Variants in R3HDM1 observed in about 807,000 individuals in gnomAD.
R3HDM1 encodes R3H domain containing 1.
Under a neutral mutation model 141.1 loss-of-function variants are expected in R3HDM1, and 46 were observed. The observed-to-expected ratio is 0.33, with a 90% confidence interval of 0.26 to 0.42. The LOEUF is 0.42. R3HDM1 is among the 10% of genes least tolerant of loss of function. The probability of loss-of-function intolerance (pLI) is 1.00; values close to 1 mark genes in which losing one functional copy is unlikely to be tolerated. For missense variants in R3HDM1, 1,184 were observed against 1,368.3 expected (o/e 0.87, Z 2.12); for synonymous variants, 435 against 472.9 (o/e 0.92, Z 1.04).
intron 3 of R3HDM1, among the ~76,000 whole-genome samples, chr2:135,613,805 G>C (rs906260115): frequency 6.6e-6 from 1 of 152,140 alleles, no homozygotes; most frequent in Non-Finnish European, 1.5e-5. Context: ...GACAGAGTGA[G>C]ACTCAGTCTC....
At chr2:135,655,398 A>G (rs2065710663) in intron 18 of R3HDM1, among the ~76,000 whole-genome samples, 1 of 152,044 alleles carries the variant, frequency 6.6e-6, no homozygotes, top group Admixed American at 6.6e-5. Flanking sequence ...TGCCAGTACT[A>G]CATTGTTTTG....
Position 135,631,958 on chromosome 2 carries a change from A to G in R3HDM1, c.655A>G (p.Ser219Gly). The G allele has an allele frequency of 6.2e-7, 1 of 1,612,092 alleles. No homozygotes were observed. The highest frequency in any genetic ancestry group is 8.5e-7 in the Non-Finnish European group (1 of 1,178,636). Residue 219 changes from serine to glycine, a missense_variant, in exon 9 of 27, where the codon AGT becomes GGT. Coordinates refer to ENST00000683871, the MANE Select transcript of R3HDM1 (RefSeq NM_001378107.1). Reference sequence around the variant, plus strand: ...TGGATTAGACCACAATGTTGATCAGAGTGGGAAGTCTGTCATAGTAAACAA... The same window carrying G: ...TGGATTAGACCACAATGTTGATCAGGGTGGGAAGTCTGTCATAGTAAACAA... ...YFGLDHNVDQ[S>G]GKSVIVNKTS...
rs1432998505 is a variant in R3HDM1, at chr2:135,631,861, G to A, written c.558G>A (p.Glu186=). The A allele has an allele frequency of 6.2e-7, 1 of 1,604,812 alleles. No homozygotes were observed. Among genetic ancestry groups the A allele is most frequent in the Non-Finnish European group, 8.5e-7 (1 of 1,176,186 alleles). ...QEILDFIGNN[E]SPRKKFPPMT... ...AAGTTGGTTTTTCTTGTGCTTCTAG[G>A]TCTCCACGTAAAAAATTCCCCCCAA... The change falls in exon 9 of 27, where the codon GAG becomes GAA. Residue 186 remains glutamate (E), a splice_region_variant and synonymous_variant. Coordinates refer to ENST00000683871, the MANE Select transcript of R3HDM1 (RefSeq NM_001378107.1).
At chr2:135,601,042 A>G (rs549152919) in intron 1 of R3HDM1, among the ~76,000 whole-genome samples, 2 of 152,340 alleles carry the variant, frequency 1.3e-5, no homozygotes, top group South Asian at 4.1e-4. Context: ...TAAGAGATTC[A>G]TGATAAAATT....
intron 1 of R3HDM1, among the ~76,000 whole-genome samples, chr2:135,588,127 C>G (rs1193748872): frequency 1.3e-5 from 2 of 151,962 alleles, no homozygotes; most frequent in East Asian, 1.9e-4. Context: ...GACTCTCTCT[C>G]CCTGTCTGTT....
chr2:135,722,054 C>A, intron 25 of R3HDM1, 48 bp downstream of exon 25: 1 of 1,556,952 alleles, frequency 6.4e-7, no homozygotes, highest in Admixed American at 1.7e-5. Context: ...AACATCATAG[C>A]TCCCTCAGAG....
At chr2:135,700,793 A>C (rs1575116945) in intron 21 of R3HDM1, among the ~76,000 whole-genome samples, 2 of 152,214 alleles carry the variant, frequency 1.3e-5, no homozygotes, top group East Asian at 3.8e-4. Flanking sequence ...GGAATTTCCC[A>C]TGCTATTAAT....
intron 5 of R3HDM1, chr2:135,620,602 CTGAT>C (rs2061433482): frequency 1.0e-6 from 1 of 981,652 alleles, no homozygotes. Context: ...GTCTACGTGT[CTGAT>C]TGATGGTTTT....
intron 1 of R3HDM1, chr2:135,596,852 G>T (rs1007791453): frequency 3.1e-5 from 6 of 191,424 alleles, no homozygotes; most frequent in African/African-American, 1.2e-4. Flanking sequence ...ATAAAACAGT[G>T]CAGTGAATAT....
intron 1 of R3HDM1, among the ~76,000 whole-genome samples, chr2:135,600,034 TAA>T (rs533671336): frequency 4.7e-5 from 6 of 127,028 alleles, no homozygotes; most frequent in South Asian, 2.6e-4. Context: ...ACCTTGTCTC[TAA>T]AAAAAAAAAA....
chr2:135,625,692 C>T (rs1039796328), intron 7 of R3HDM1, among the ~76,000 whole-genome samples: 2 of 151,994 alleles, frequency 1.3e-5, no homozygotes, highest in Non-Finnish European at 2.9e-5. Context: ...GCCCCTGCTC[C>T]CAATCTCCTG....
intron 1 of R3HDM1, among the ~76,000 whole-genome samples, chr2:135,542,295 C>T (rs1274936732): frequency 1.3e-5 from 2 of 152,188 alleles, no homozygotes; most frequent in African/African-American, 4.8e-5. Context: ...TGAATATCCT[C>T]TGCAAAATAA....
rs547450095 is a variant in R3HDM1 at position 135,661,958 on chromosome 2, T to G, written c.2152+565T>G. Reference sequence around the variant, plus strand: ...CTAAGGCCACTTAAATGAAATTTATTAAAACTCAGCATTGTTTTTGTTTTA... The same window carrying G: ...CTAAGGCCACTTAAATGAAATTTATGAAAACTCAGCATTGTTTTTGTTTTA... On this transcript the variant is annotated intron_variant, in intron 19 of 26. Transcript: ENST00000683871. 2.8e-4 allele frequency among the ~76,000 whole-genome samples: 42 copies of G among 152,360 alleles called. 1 individual carries two copies. Among genetic ancestry groups the G allele is most frequent in the African/African-American group, 9.4e-4 (39 of 41,588 alleles).
intron 6 of R3HDM1, chr2:135,622,452 A>T (rs1233726452): frequency 3.9e-5 from 38 of 983,766 alleles, no homozygotes; most frequent in Non-Finnish European, 4.5e-5. Context: ...ATATGCAGTT[A>T]TATAAACTCA....
chr2:135,558,953 T>G (rs1701267422), intron 1 of R3HDM1: 2 of 918,824 alleles, frequency 2.2e-6, no homozygotes, highest in African/African-American at 3.6e-5. Flanking sequence ...TTAAAAAGTT[T>G]AAAGGGTTAC....
chr2:135,580,046 C>T (rs568393907), intron 1 of R3HDM1, among the ~76,000 whole-genome samples: 110 of 152,100 alleles, frequency 7.2e-4, no homozygotes, highest in African/African-American at 2.5e-3. Flanking sequence ...ATCACTTGAG[C>T]CCAGGAGTTC....
At chr2:135,580,211 A>G (rs1057258581) in intron 1 of R3HDM1, among the ~76,000 whole-genome samples, 17 of 152,300 alleles carry the variant, frequency 1.1e-4, no homozygotes, top group African/African-American at 3.4e-4. Context: ...AGATCGCACC[A>G]CTGCACTCCA....
Position 135,651,804 on chromosome 2 carries a change from T to G in R3HDM1, c.1800T>G (p.His600Gln), listed in dbSNP as rs750660949. The G allele has an allele frequency of 6.2e-7, 1 of 1,614,188 alleles. No individual in the cohort carries two copies. The highest frequency in any genetic ancestry group is 2.2e-5 in the East Asian group (1 of 44,882). The change falls in exon 18 of 27, where the codon CAT (histidine) becomes CAG (glutamine). Residue 600 changes from histidine (H) to glutamine (Q), a missense_variant. His to Gln is a conservative substitution (Grantham distance 24, BLOSUM62 0). Around this residue, in one of 5 missense-constraint regions of R3HDM1, gnomAD observed 563 missense variants for 562.0 expected, o/e 1.00. Coordinates refer to ENST00000683871, the MANE Select transcript of R3HDM1 (RefSeq NM_001378107.1). Reference protein sequence around the residue: ...RQPSADGSDPHAAMFQSTVVL... With the variant: ...RQPSADGSDPQAAMFQSTVVL... ...CATCTGCTGATGGTTCTGACCCTCA[T>G]GCCGCCATGTTCCAGTCCACTGTGG...
At chr2:135,715,475 A>G (rs538588633) in intron 23 of R3HDM1, 75 bp from the exon 24 acceptor site, 12 of 1,473,546 alleles carry the variant, frequency 8.1e-6, no homozygotes, top group Middle Eastern at 1.8e-4. Flanking sequence ...ACAAGTACGT[A>G]TATGTAATCA....
Sources: gnomAD v4.1 joint callset for allele counts (sites outside exome capture counted in the v4.1 genomes callset) on GRCh38, gnomAD v4.1.1 for gene constraint, gnomAD v4.1.1 regional missense constraint, MANE v1.5 for transcripts, NCBI Gene and HGNC (gene_info 2026-07-23, HGNC 2026-07-21) for gene names.